PLXDC2: variants seen among roughly 807,000 people sequenced by gnomAD.
The protein encoded by PLXDC2 is plexin domain-containing protein 2.
Under a neutral mutation model 68.9 loss-of-function variants are expected in PLXDC2, and 40 were observed. The ratio of observed to expected loss-of-function variants is 0.58; its 90% CI spans 0.45 to 0.76. PLXDC2 has a LOEUF of 0.76. Among genes scored for constraint, PLXDC2 ranks in the 30% least tolerant of loss-of-function variants. The pLI, the probability that PLXDC2 is intolerant of heterozygous loss-of-function variation, is 0.00. For missense variants in PLXDC2, 644 were observed against 661.9 expected (o/e 0.97, Z 0.30); for synonymous variants, 243 against 234.2 (o/e 1.04, Z -0.34).
intron 12 of PLXDC2, among the ~76,000 whole-genome samples, chr10:20,237,122 C>T (rs1055533294): frequency 3.3e-5 from 5 of 151,974 alleles, no homozygotes; most frequent in Non-Finnish European, 2.9e-5. Flanking sequence ...GAAAGCTGCC[C>T]TTGCCAGATA....
At chr10:20,250,338 A>T (rs1835659326) in intron 13 of PLXDC2, among the ~76,000 whole-genome samples, 1 of 151,174 alleles carries the variant, frequency 6.6e-6, no homozygotes, top group Admixed American at 6.6e-5. Flanking sequence ...TCATGCACCC[A>T]GTCTCCTATT....
At chr10:20,052,575 C>A (rs1282382049) in intron 3 of PLXDC2, among the ~76,000 whole-genome samples, 1 of 151,838 alleles carries the variant, frequency 6.6e-6, no homozygotes, top group Non-Finnish European at 1.5e-5. Context: ...TGCTCTTGTT[C>A]TCGTTGACAT....
chr10:20,160,765 C>T (rs994305651), intron 6 of PLXDC2, among the ~76,000 whole-genome samples: 112 of 152,110 alleles, frequency 7.4e-4, no homozygotes, highest in Non-Finnish European at 5.9e-5. Flanking sequence ...AAAAATGCTG[C>T]ACAAAGTGAA....
intron 1 of PLXDC2, among the ~76,000 whole-genome samples, chr10:19,883,545 G>C (rs866181322): frequency 6.6e-6 from 1 of 152,046 alleles, no homozygotes; most frequent in Admixed American, 6.6e-5. Flanking sequence ...CCTCAAATGA[G>C]TGGTTGGTCA....
chr10:19,862,160 C>T (rs538939237), intron 1 of PLXDC2, among the ~76,000 whole-genome samples: 15 of 152,116 alleles, frequency 9.9e-5, no homozygotes, highest in African/African-American at 3.6e-4. Context: ...TATGTATAGC[C>T]GTAATTGATG....
intron 13 of PLXDC2, among the ~76,000 whole-genome samples, chr10:20,257,417 C>CT (rs138655980): frequency 0.082 from 12,410 of 152,228 alleles, 550 homozygotes; most frequent in Middle Eastern, 0.16. Context: ...ATGGAGGAAA[C>CT]TTTTTGTTGT....
chr10:20,170,039 A>G (rs1564340682), intron 7 of PLXDC2, among the ~76,000 whole-genome samples: 3 of 152,192 alleles, frequency 2.0e-5, no homozygotes, highest in African/African-American at 2.4e-5. Context: ...GCTCCATAAG[A>G]AACATTAAGC....
rs552344634 is a variant in PLXDC2 at position 19,964,829 on chromosome 10, G to A, written c.113-36946G>A. On this transcript the variant is annotated intron_variant, in intron 1 of 13. Transcript: ENST00000377252. ...CCTGCATTCTATGCCTCCATAGGGG[G>A]CAACTCTAAGAGCCTTTCCAGCTCC... Among the ~76,000 whole-genome samples the A allele has an allele frequency of 5.9e-5, 9 of 152,166 alleles. No homozygotes were observed. The East Asian group carries it at 1.7e-3, about 29-fold the overall frequency.
At chr10:20,046,123 A>G (rs938517120) in intron 2 of PLXDC2, among the ~76,000 whole-genome samples, 1 of 152,164 alleles carries the variant, frequency 6.6e-6, no homozygotes, top group Admixed American at 6.5e-5. Context: ...TTATTTTTAA[A>G]GAAAAGAAGT....
chr10:20,095,270 A>T (rs962128604), intron 4 of PLXDC2, among the ~76,000 whole-genome samples: 8 of 152,200 alleles, frequency 5.3e-5, no homozygotes, highest in African/African-American at 1.7e-4. Flanking sequence ...CTCAAAAGTC[A>T]CATGGTAGCT....
At chr10:20,095,384 G>A (rs1397304697) in intron 4 of PLXDC2, among the ~76,000 whole-genome samples, 4 of 152,070 alleles carry the variant, frequency 2.6e-5, no homozygotes, top group African/African-American at 9.7e-5. Flanking sequence ...AAGTGGTGAG[G>A]AAACACAAGG....
At chr10:19,860,563 C>CT (rs1554840596) in intron 1 of PLXDC2, among the ~76,000 whole-genome samples, 1 of 152,144 alleles carries the variant, frequency 6.6e-6, no homozygotes, top group Non-Finnish European at 1.5e-5. Flanking sequence ...TGAAGGCACC[C>CT]TTTTCTCTAC....
At chr10:20,170,607 G>T (rs1301233539) in intron 7 of PLXDC2, among the ~76,000 whole-genome samples, 1 of 152,100 alleles carries the variant, frequency 6.6e-6, no homozygotes, top group Non-Finnish European at 1.5e-5. Flanking sequence ...TAAAATAATA[G>T]TAATAGCATA....
chr10:19,855,808 G>A (rs1013406291), intron 1 of PLXDC2, among the ~76,000 whole-genome samples: 2 of 152,112 alleles, frequency 1.3e-5, no homozygotes, highest in East Asian at 1.9e-4. Context: ...CCATTAGGCC[G>A]GGCTCGGTGG....
intron 1 of PLXDC2, among the ~76,000 whole-genome samples, chr10:19,907,793 G>A (rs1833191459): frequency 6.6e-6 from 1 of 152,136 alleles, no homozygotes; most frequent in African/African-American, 2.4e-5. Context: ...CATAAAAGGG[G>A]TATCGGACTG....
intron 2 of PLXDC2, among the ~76,000 whole-genome samples, chr10:20,015,985 G>A (rs1835203524): frequency 6.6e-6 from 1 of 152,100 alleles, no homozygotes; most frequent in South Asian, 2.1e-4. Context: ...TCACCATTAT[G>A]GCAAAGCCAT....
chr10:20,228,907 A>G (rs1835323292), intron 12 of PLXDC2, among the ~76,000 whole-genome samples: 1 of 152,222 alleles, frequency 6.6e-6, no homozygotes, highest in Non-Finnish European at 1.5e-5. Flanking sequence ...AGTTGGTGGC[A>G]TAAAGACATT....
intron 1 of PLXDC2, among the ~76,000 whole-genome samples, chr10:19,921,505 C>G (rs1250862693): frequency 6.6e-6 from 1 of 152,238 alleles, no homozygotes; most frequent in Non-Finnish European, 1.5e-5. Context: ...CTTGCTTTCA[C>G]AGAGCACAGA....
At chr10:19,990,681 T>G (rs961102879) in intron 1 of PLXDC2, among the ~76,000 whole-genome samples, 8 of 152,206 alleles carry the variant, frequency 5.3e-5, no homozygotes, top group Admixed American at 2.6e-4. Flanking sequence ...GATTTCTTTT[T>G]TTAATGTAAT....
Sources: allele counts gnomAD v4.1 joint callset (sites outside exome capture counted in the v4.1 genomes callset), GRCh38; gene constraint gnomAD v4.1.1; transcripts MANE v1.5; gene names NCBI Gene and HGNC (gene_info 2026-07-23, HGNC 2026-07-21).